WDR20: variants seen among roughly 807,000 people sequenced by gnomAD.
The protein encoded by WDR20 is WD repeat-containing protein 20.
In WDR20, 3 loss-of-function variants were observed where a neutral mutation model predicts 38.7. The ratio of observed to expected loss-of-function variants is 0.08; its 90% CI spans 0.04 to 0.20. WDR20 has a LOEUF of 0.20. Among genes scored for constraint, WDR20 ranks in the 10% least tolerant of loss-of-function variants. The pLI is 1.00. For missense variants in WDR20, 559 were observed against 727.7 expected (o/e 0.77, Z 2.67); for synonymous variants, 298 against 285.6 (o/e 1.04, Z -0.44).
rs1597041214 is a variant in WDR20 at position 102,210,272 on chromosome 14, T to C, written c.*392T>C. On this transcript the variant is annotated 3_prime_UTR_variant, in exon 3 of 3. Transcript: ENST00000342702. The stretch of plus-strand genomic sequence containing the variant: ...TTGCTTAACTACTCAATTAGAATAT[T>C]GTACACCTGATCAATGTGTGTTCAG... The C allele has an allele frequency of 1.0e-6, 1 of 1,003,572 alleles. No individual in the cohort carries two copies. Among genetic ancestry groups the C allele is most frequent in the African/African-American group, 1.7e-5 (1 of 57,458 alleles). 62.2% of individuals were successfully genotyped at this position (1,003,572 alleles called of 1,614,324 possible). A position where few individuals can be genotyped will look rare whatever the true frequency, so the allele number is the denominator to read the frequency against.
chr14:102,147,106 A>C (rs1411435553), intron 1 of WDR20, among the ~76,000 whole-genome samples: 2 of 152,132 alleles, frequency 1.3e-5, no homozygotes, highest in Non-Finnish European at 2.9e-5. Context: ...GAGGGTGGTC[A>C]TGAGATATTG....
chr14:102,191,932 G>T (rs911072907), intron 1 of WDR20, among the ~76,000 whole-genome samples: 8 of 152,136 alleles, frequency 5.3e-5, no homozygotes, highest in Non-Finnish European at 1.0e-4. Flanking sequence ...AATAGGAAAA[G>T]AAACTGAAAA....
chr14:102,150,971 A>G (rs1248717292), intron 1 of WDR20, among the ~76,000 whole-genome samples: 1 of 152,172 alleles, frequency 6.6e-6, no homozygotes, highest in Non-Finnish European at 1.5e-5. Flanking sequence ...GATAAATAAG[A>G]CATAGTCCCT....
Position 102,209,956 on chromosome 14 carries a change from T to C in WDR20, c.*76T>C. 6.6e-7 allele frequency: 1 copy of C among 1,504,854 alleles called. No individual in the cohort carries two copies. Among genetic ancestry groups the C allele is most frequent in the Non-Finnish European group, 8.8e-7 (1 of 1,135,338 alleles). The allele number at this position is 1,504,854 out of a possible 1,614,324, so 93.2% of individuals were successfully genotyped here. A position where few individuals can be genotyped will look rare whatever the true frequency, so the allele number is the denominator to read the frequency against. On this transcript the variant is annotated 3_prime_UTR_variant, in exon 3 of 3. Transcript: ENST00000342702. The surrounding 1 kb of genome is among the most constrained non-coding windows in gnomAD (Gnocchi z 6.0). ...TGGGAGGGGTGGGGTGTACAATGAA[T>C]GTGAATGACACTTCTTATTCTTAAT... is the stretch of plus-strand genomic sequence containing the variant.
rs374339043 is a variant in WDR20 at position 102,208,771 on chromosome 14, G to A, written c.601G>A (p.Val201Met). 1.1e-5 allele frequency: 17 copies of A among 1,614,098 alleles called. No homozygotes were observed. Among genetic ancestry groups the A allele is most frequent in the East Asian group, 4.5e-5 (2 of 44,898 alleles). Residue 201 changes from valine to methionine, a missense_variant, in exon 3 of 3, where the codon GTG becomes ATG. Coordinates refer to ENST00000342702, the MANE Select transcript of WDR20 (RefSeq NM_144574.4). This position sits in a 1 kb window ranked among gnomAD's most constrained non-coding sequence, Gnocchi z 5.6. Reference sequence around the variant, plus strand: ...TCTGAAGCAGGGAGAGAGCTTTGCCGTGCACACTTGCAAGAGCAAATCCAC... The same window carrying A: ...TCTGAAGCAGGGAGAGAGCTTTGCCATGCACACTTGCAAGAGCAAATCCAC... ...QLLKQGESFA[V>M]HTCKSKSTRN... is the part of the protein sequence containing the mutation.
chr14:102,217,671 G>A (rs865942252), downstream of WDR20, among the ~76,000 whole-genome samples: 1 of 152,204 alleles, frequency 6.6e-6, no homozygotes, highest in Non-Finnish European at 1.5e-5. Context: ...GACTGGCTTC[G>A]GGTGCCGTGA....
chr14:102,198,600 T>C (rs2059802882), intron 2 of WDR20, among the ~76,000 whole-genome samples: 1 of 152,218 alleles, frequency 6.6e-6, no homozygotes, highest in Admixed American at 6.5e-5. Context: ...AAGGACGGTT[T>C]ACCTGGGGAA....
chr14:102,166,918 C>T (rs539456954), intron 1 of WDR20, among the ~76,000 whole-genome samples: 3 of 152,322 alleles, frequency 2.0e-5, no homozygotes, highest in African/African-American at 7.2e-5. Context: ...ACTGTACAGC[C>T]TCTGACTGGT....
chr14:102,212,492 C>T (rs1415122780), downstream of WDR20: 20 of 1,535,512 alleles, frequency 1.3e-5, no homozygotes, highest in Non-Finnish European at 1.6e-5. Flanking sequence ...CACTCTGCCC[C>T]TCTGACTGCT....
At chr14:102,204,297 C>G (rs1490224527) in intron 2 of WDR20, among the ~76,000 whole-genome samples, 2 of 152,192 alleles carry the variant, frequency 1.3e-5, no homozygotes, top group Non-Finnish European at 2.9e-5. Flanking sequence ...TGCTGTCTTT[C>G]TGTCCTTCTG....
chr14:102,189,588 A>T (rs74732927), intron 1 of WDR20, among the ~76,000 whole-genome samples: 2,591 of 152,336 alleles, frequency 0.017, 50 homozygotes, highest in South Asian at 0.097. Flanking sequence ...AATGTTTAAT[A>T]AATTGGTTCT....
chr14:102,156,301 G>A (rs1355435482), intron 1 of WDR20, among the ~76,000 whole-genome samples: 1 of 151,468 alleles, frequency 6.6e-6, no homozygotes, highest in Non-Finnish European at 1.5e-5. Context: ...CCGAGTAGCT[G>A]GGACTACAGG....
At chr14:102,200,466 T>TG (rs1347562692) in intron 2 of WDR20, among the ~76,000 whole-genome samples, 7,789 of 105,292 alleles carry the variant, frequency 0.074, 263 homozygotes, top group African/African-American at 0.17. Context: ...AATTTTTTTT[T>TG]TTGTGTGTGT....
At chr14:102,182,827 A>G (rs577231693) in intron 1 of WDR20, among the ~76,000 whole-genome samples, 6 of 152,238 alleles carry the variant, frequency 3.9e-5, no homozygotes, top group African/African-American at 1.4e-4. Context: ...TTTCTTTGCA[A>G]ATATGTACAT....
intron 1 of WDR20, among the ~76,000 whole-genome samples, chr14:102,174,740 C>G (rs1473787946): frequency 1.3e-5 from 2 of 152,010 alleles, no homozygotes; most frequent in African/African-American, 2.4e-5. Context: ...TTAATTATGG[C>G]CATTGCTACA....
intron 2 of WDR20, among the ~76,000 whole-genome samples, chr14:102,205,094 A>C (rs1217377371): frequency 2.0e-5 from 3 of 152,154 alleles, no homozygotes; most frequent in Non-Finnish European, 2.9e-5. Flanking sequence ...TATTTACAAA[A>C]AATATAAATT....
chr14:102,160,759 G>A (rs1404980184), intron 1 of WDR20, among the ~76,000 whole-genome samples: 6 of 151,386 alleles, frequency 4.0e-5, no homozygotes, highest in South Asian at 2.1e-4. Flanking sequence ...TGGCTAACAC[G>A]GTGAAACCCC....
At chr14:102,218,352 G>A (rs1467128774), downstream of WDR20, among the ~76,000 whole-genome samples, 1 of 152,150 alleles carries the variant, frequency 6.6e-6, no homozygotes, top group African/African-American at 2.4e-5. Context: ...AGGGGTCGTG[G>A]GGGTCAGAAG....
At chr14:102,218,029 C>T (rs903460231), downstream of WDR20, among the ~76,000 whole-genome samples, 3 of 152,208 alleles carry the variant, frequency 2.0e-5, no homozygotes, top group East Asian at 1.9e-4. Flanking sequence ...CACAGCACGC[C>T]GGCCAGCTGG....
Sources: allele counts gnomAD v4.1 joint callset (sites outside exome capture counted in the v4.1 genomes callset), GRCh38; gene constraint gnomAD v4.1.1; non-coding constraint Gnocchi (gnomAD v3.1); transcripts MANE v1.5; gene names NCBI Gene and HGNC (gene_info 2026-07-23, HGNC 2026-07-21).